WDFY3: variants seen among roughly 807,000 people sequenced by gnomAD.
WDFY3 encodes the protein WD repeat and FYVE domain-containing protein 3.
WDFY3 carries 66 observed loss-of-function variants against 409.6 expected under a neutral mutation model. The ratio of observed to expected loss-of-function variants is 0.16; its 90% CI spans 0.13 to 0.20. The LOEUF (loss-of-function observed/expected upper bound fraction) is 0.20. Ranked by LOEUF, WDFY3 falls within the 10% of genes least tolerant of loss-of-function variation. The probability of loss-of-function intolerance (pLI) is 1.00; values close to 1 mark genes in which losing one functional copy is unlikely to be tolerated. For synonymous variants in WDFY3, 1,521 were observed against 1,537.1 expected, an observed-to-expected ratio of 0.99 and a Z score of 0.25; for missense variants, 3,031 against 4,298.1, an observed-to-expected ratio of 0.71 and a Z score of 8.24.
At chr4:84,820,028 A>G in intron 12 of WDFY3, 57 bp downstream of exon 12, 1 of 1,405,640 alleles carries the variant, frequency 7.1e-7, no homozygotes, top group East Asian at 2.4e-5. Flanking sequence ...GAATAACCAC[A>G]GAAGATGTAA....
intron 5 of WDFY3, among the ~76,000 whole-genome samples, chr4:84,843,895 T>C (rs770168985): frequency 4.7e-4 from 72 of 152,308 alleles, no homozygotes; most frequent in Non-Finnish European, 7.2e-4. Context: ...TTAATTTCAA[T>C]AATATTTAAC....
At position 84,678,966 on chromosome 4, in the gene WDFY3, G is replaced by C. The variant is rs759577411; in HGVS notation, c.10100C>G (p.Pro3367Arg). The change falls in exon 65 of 68, where the codon CCC becomes CGC. Residue 3367 changes from proline (P) to arginine (R), a missense_variant. Physicochemically the swap from Pro to Arg is moderately radical, Grantham distance 103. Around this residue, in one of 16 missense-constraint regions of WDFY3, gnomAD observed 378 missense variants for 477.3 expected, o/e 0.79. Transcript: ENST00000295888. ...RAHLQGPLSH[P>R]HPNPIEVRNY... ...CCGCACCTCAATGGGATTGGGGTGG[G>C]GGTGGCTAAGGGGGCCCTGCAGATG... is the stretch of plus-strand genomic sequence containing the variant. 1.2e-6 allele frequency: 2 copies of C among 1,614,176 alleles called. No homozygotes were observed. The highest frequency in any genetic ancestry group is 1.7e-6 in the Non-Finnish European group (2 of 1,180,022).
intron 24 of WDFY3, 88 bp downstream of exon 24, chr4:84,785,891 C>T: frequency 2.7e-6 from 4 of 1,474,832 alleles, no homozygotes; most frequent in Admixed American, 2.3e-5. Context: ...TTAGCAGTCA[C>T]TCATAATTGA....
At chr4:84,863,713 T>C (rs1431930424) in intron 3 of WDFY3, among the ~76,000 whole-genome samples, 1 of 152,202 alleles carries the variant, frequency 6.6e-6, no homozygotes, top group African/African-American at 2.4e-5. Flanking sequence ...TTGAGTTAGT[T>C]GTTGTATATG....
chr4:84,763,813 T>C (rs1201393268), intron 32 of WDFY3, among the ~76,000 whole-genome samples: 2 of 152,104 alleles, frequency 1.3e-5, no homozygotes, highest in African/African-American at 4.8e-5. Context: ...CAAGTACCAA[T>C]GAAGGACAAA....
chr4:84,903,463 GCCTGCA>G (rs895979573), intron 2 of WDFY3, among the ~76,000 whole-genome samples: 21 of 152,088 alleles, frequency 1.4e-4, no homozygotes, highest in Non-Finnish European at 2.8e-4. Context: ...GCAAGTACAG[GCCTGCA>G]CCACCATGCC....
chr4:84,908,305 C>A (rs549887752), intron 2 of WDFY3, among the ~76,000 whole-genome samples: 1 of 152,010 alleles, frequency 6.6e-6, no homozygotes, highest in Non-Finnish European at 1.5e-5. Flanking sequence ...TAGACAGATT[C>A]AACAGACATT....
intron 25 of WDFY3, among the ~76,000 whole-genome samples, chr4:84,780,757 C>G (rs1479152613): frequency 1.4e-4 from 21 of 151,340 alleles, no homozygotes; most frequent in Admixed American, 1.4e-3. Flanking sequence ...GAGGGAGACT[C>G]CCTCTCAAAA....
In WDFY3 at chr4:84,736,255, C is replaced by T; in HGVS notation, c.6830G>A (p.Ser2277Asn). 1 of 1,613,686 alleles carries T rather than the reference C, an allele frequency of 6.2e-7. No homozygotes were observed. Among genetic ancestry groups the T allele is most frequent in the Non-Finnish European group, 8.5e-7 (1 of 1,179,728 alleles). ...TAACTTGGAAAGACCAAAGCCACTG[C>T]TGACACGGGATAATTTGGACTGTGT... ...PTTQSKLSRV[S>N]SGFGLSKLTG... Residue 2277 changes from serine to asparagine, a missense_variant, in exon 42 of 68, where the codon AGC (serine) becomes AAC (asparagine). Around this residue, in one of 16 missense-constraint regions of WDFY3, gnomAD observed 98 missense variants for 194.9 expected, o/e 0.50. Transcript: ENST00000295888.
chr4:84,784,265 T>C (rs1023869617), intron 24 of WDFY3, among the ~76,000 whole-genome samples: 1 of 152,218 alleles, frequency 6.6e-6, no homozygotes, highest in African/African-American at 2.4e-5. Context: ...TGAATACATG[T>C]AGACTCATGG....
intron 40 of WDFY3, 112 bp downstream of exon 40, chr4:84,738,898 G>A: frequency 2.0e-6 from 2 of 1,022,684 alleles, no homozygotes; most frequent in East Asian, 4.9e-5. Context: ...TTGCCCTACT[G>A]GGAGAGTTGC....
chr4:84,890,737 G>A (rs1008284504), intron 3 of WDFY3, among the ~76,000 whole-genome samples: 1 of 152,200 alleles, frequency 6.6e-6, no homozygotes. Context: ...ACTGTAGCGT[G>A]AAAGCAGCCA....
chr4:84,799,372 A>G (rs1304391225), intron 17 of WDFY3, among the ~76,000 whole-genome samples: 1 of 149,422 alleles, frequency 6.7e-6, no homozygotes, highest in African/African-American at 2.5e-5. Flanking sequence ...GGGTCTCACT[A>G]TGTTATTCAG....
chr4:84,768,029 G>C (rs1743991691), intron 30 of WDFY3, among the ~76,000 whole-genome samples: 1 of 152,162 alleles, frequency 6.6e-6, no homozygotes, highest in African/African-American at 2.4e-5. Context: ...GCTGCAGTGA[G>C]CCATGATTGT....
chr4:84,767,424 G>A (rs1743855344), intron 30 of WDFY3, among the ~76,000 whole-genome samples: 1 of 152,034 alleles, frequency 6.6e-6, no homozygotes, highest in African/African-American at 2.4e-5. Context: ...GCACCTAGAT[G>A]TTCAAGCGAA....
chr4:84,822,540 A>T (rs989753195), intron 10 of WDFY3, among the ~76,000 whole-genome samples: 1 of 151,770 alleles, frequency 6.6e-6, no homozygotes, highest in East Asian at 1.9e-4. Flanking sequence ...CAAGAGATTT[A>T]AAAAAAAATT....
intron 18 of WDFY3, among the ~76,000 whole-genome samples, chr4:84,797,084 T>A (rs994283702): frequency 2.0e-5 from 3 of 152,200 alleles, no homozygotes; most frequent in South Asian, 4.1e-4. Context: ...GAAATACTTT[T>A]ATTTCATAAA....
intron 29 of WDFY3, 121 bp from the exon 30 acceptor site, chr4:84,773,050 A>C (rs1372719769): frequency 1.5e-6 from 1 of 672,856 alleles, no homozygotes; most frequent in Non-Finnish European, 2.4e-6. Context: ...TTTTTTTTTC[A>C]TAATCTCATT....
chr4:84,878,128 A>T (rs1052679562), intron 3 of WDFY3, among the ~76,000 whole-genome samples: 2 of 152,240 alleles, frequency 1.3e-5, no homozygotes, highest in South Asian at 4.1e-4. Context: ...TCAGAAAATA[A>T]GAACTATTTA....
Sources: gnomAD v4.1 joint callset for allele counts (sites outside exome capture counted in the v4.1 genomes callset) on GRCh38, gnomAD v4.1.1 for gene constraint, gnomAD v4.1.1 regional missense constraint, MANE v1.5 for transcripts, NCBI Gene and HGNC (gene_info 2026-07-23, HGNC 2026-07-21) for gene names.